RC3H2: variants seen among roughly 807,000 people sequenced by gnomAD.
RC3H2 encodes the protein ring finger and CCCH-type domains 2, also known as roquin-2.
In RC3H2, 31 loss-of-function variants were observed where a neutral mutation model predicts 133.3. That is an observed-to-expected ratio of 0.23 (90% CI 0.17 to 0.31). The LOEUF (loss-of-function observed/expected upper bound fraction) is 0.31, where lower values mean the gene tolerates loss of function less well. Among genes scored for constraint, RC3H2 ranks in the 10% least tolerant of loss-of-function variants. The pLI, the probability that RC3H2 is intolerant of heterozygous loss-of-function variation, is 1.00. For missense variants in RC3H2, 1,175 were observed against 1,437.2 expected, an observed-to-expected ratio of 0.82 and a Z score of 2.95; for synonymous variants, 517 against 502.2, an observed-to-expected ratio of 1.03 and a Z score of -0.40.
chr9:122,867,566 A>C (rs1241398568), intron 9 of RC3H2, among the ~76,000 whole-genome samples: 1 of 109,160 alleles, frequency 9.2e-6, no homozygotes, highest in Admixed American at 8.4e-5. Flanking sequence ...CTGGCTGCCC[A>C]GTCTGGAAAG....
In RC3H2 at chr9:122,855,394, G is replaced by C; in HGVS notation, c.2605C>G (p.Leu869Val). The change falls in exon 15 of 21, where the codon CTG (leucine) becomes GTG (valine). Residue 869 changes from leucine to valine, a missense_variant. Transcript: ENST00000357244. ...CTTCTCTTAACATCACCACTGTCCA[G>C]GTCCTATGTAAACCAAAGAAAATCA... The part of the protein sequence containing the change: ...IANSNAVLMD[L>V]DSGDVKRRVH... The C allele has an allele frequency of 6.2e-7, 1 of 1,612,386 alleles. No homozygotes were observed. Among genetic ancestry groups the C allele is most frequent in the Non-Finnish European group, 8.5e-7 (1 of 1,179,526 alleles).
chr9:122,874,519 T>A (rs1453867384), intron 9 of RC3H2: 1 of 144,266 alleles, frequency 6.9e-6, no homozygotes, highest in Non-Finnish European at 1.5e-5. Context: ...TTATTATTTT[T>A]ATTTATTTAT....
chr9:122,849,839 G>A lies in RC3H2; in HGVS notation c.3381-17C>T. 1.3e-6 allele frequency: 2 copies of A among 1,539,316 alleles called. No homozygotes were observed. The highest frequency in any genetic ancestry group is 8.7e-7 in the Non-Finnish European group (1 of 1,147,158). ...TGCTCCTCCCTGAGAAAAAAGAAAT[G>A]ACATTAAAAACAAATTAGCTTTAAG... On this transcript the variant is annotated splice_polypyrimidine_tract_variant and intron_variant, in intron 20 of 20. Transcript: ENST00000357244.
chr9:122,896,120 TAA>T (rs10561653), intron 2 of RC3H2, among the ~76,000 whole-genome samples: 106,370 of 144,562 alleles, frequency 0.74, 40,708 homozygotes, highest in South Asian at 0.87. Context: ...GCTGATGAGT[TAA>T]AAAAAAAAAA....
Position 122,897,438 on chromosome 9 carries a change from A to G in RC3H2, c.72T>C (p.Asn24=). The change falls in exon 2 of 21, where the codon AAT becomes AAC. Residue 24 remains asparagine (N), a synonymous_variant. Coordinates refer to ENST00000357244, the MANE Select transcript of RC3H2 (RefSeq NM_001100588.3). ...AACCTAAACTGATGGGTTTGTGCAC[A>G]TTCTCATCAAATTCATTATAGCAGA... ...CPICYNEFDE[N]VHKPISLGCS... 1 of 1,614,242 alleles carries G rather than the reference A, an allele frequency of 6.2e-7. No individual in the cohort carries two copies. Among genetic ancestry groups the G allele is most frequent in the South Asian group, 1.1e-5 (1 of 91,088 alleles).
Position 122,858,816 on chromosome 9 carries a change from A to G in RC3H2, c.2136T>C (p.Ile712=), listed in dbSNP as rs1369464504. The change falls in exon 12 of 21, where the codon ATT becomes ATC. Residue 712 remains isoleucine, a synonymous_variant. Transcript: ENST00000357244. The part of the protein sequence containing the change: ...RPPMYQRDDI[I]RSNSLPPMDV... Reference sequence around the variant, plus strand: ...CCATTGGAGGTAAAGAATTGCTTCTAATAATGTCATCTCGTTGGTACATAG... The same window carrying G: ...CCATTGGAGGTAAAGAATTGCTTCTGATAATGTCATCTCGTTGGTACATAG... 1 of 1,614,304 alleles carries G rather than the reference A, an allele frequency of 6.2e-7. No individual in the cohort carries two copies.
At chr9:122,880,408 G>A (rs2251495) in intron 6 of RC3H2, 186 bp downstream of exon 6, 537,898 of 675,220 alleles carry the variant, frequency 0.8, 223,144 homozygotes, top group South Asian at 0.89. Context: ...TCATGTATTT[G>A]TTTCCCTGTT....
intron 4 of RC3H2, among the ~76,000 whole-genome samples, chr9:122,886,506 C>T (rs148492795): frequency 1.7e-4 from 26 of 152,302 alleles, no homozygotes; most frequent in African/African-American, 5.3e-4. Flanking sequence ...CACCATTTTA[C>T]GTGCCCACAT....
chr9:122,868,177 C>A (rs891357202), intron 9 of RC3H2, among the ~76,000 whole-genome samples: 112 of 151,756 alleles, frequency 7.4e-4, no homozygotes, highest in Non-Finnish European at 1.4e-3. Flanking sequence ...GGCGCCTCTG[C>A]CCGGCCGCCC....
At chr9:122,897,024 T>TA (rs139505008) in intron 2 of RC3H2, among the ~76,000 whole-genome samples, 3,548 of 37,012 alleles carry the variant, frequency 0.096, 578 homozygotes, top group African/African-American at 0.2. Flanking sequence ...AGACTCTGTC[T>TA]AAAAAAAAAA....
At chr9:122,852,569 C>T (rs1830085728) in intron 18 of RC3H2, among the ~76,000 whole-genome samples, 1 of 150,840 alleles carries the variant, frequency 6.6e-6, no homozygotes, top group African/African-American at 2.4e-5. Flanking sequence ...GCCGCCCCGT[C>T]CGGGAGGGAG....
rs533145433 is a variant in RC3H2, at chr9:122,877,603, T to C, written c.1213-20A>G. On this transcript the variant is annotated intron_variant, in intron 8 of 20. Coordinates refer to ENST00000357244, the MANE Select transcript of RC3H2 (RefSeq NM_001100588.3). ...CTGAGGCTACAAAAATGGGAACACA[T>C]TCAATGAGTGGCAAGGTGAAGATTC... 5.7e-6 allele frequency: 9 copies of C among 1,573,556 alleles called. No individual in the cohort carries two copies. In the Admixed American group the frequency reaches 8.4e-5, roughly 15 times the overall value.
Position 122,880,737 on chromosome 9 carries a change from A to T in RC3H2, c.817T>A (p.Tyr273Asn). ...TCATGTTCTCTGCGTAATGCTTCAT[A>T]ACTCCGAAATTCCTCCTTCAGCTGC... ...LMQLKEEFRS[Y>N]EALRREHDAQ... is the part of the protein sequence containing the mutation. The change falls in exon 6 of 21, where the codon TAT (tyrosine) becomes AAT (asparagine). Residue 273 changes from tyrosine to asparagine, a missense_variant. Physicochemically the swap from Tyr to Asn is moderately radical, Grantham distance 143 (BLOSUM62 -2). Coordinates refer to ENST00000357244, the MANE Select transcript of RC3H2 (RefSeq NM_001100588.3). 6 of 1,614,154 alleles carry T rather than the reference A, an allele frequency of 3.7e-6. No homozygotes were observed. The highest frequency in any genetic ancestry group is 5.1e-6 in the Non-Finnish European group (6 of 1,179,990).
At chr9:122,850,567 C>A (rs1829984265) in intron 20 of RC3H2, among the ~76,000 whole-genome samples, 1 of 151,942 alleles carries the variant, frequency 6.6e-6, no homozygotes, top group African/African-American at 2.4e-5. Context: ...CTCAGCCTCC[C>A]AGGCAGCTGA....
intron 7 of RC3H2, 54 bp downstream of exon 7, chr9:122,879,939 T>C (rs1831538348): frequency 1.2e-6 from 2 of 1,611,956 alleles, no homozygotes; most frequent in Non-Finnish European, 1.7e-6. Flanking sequence ...TCTCTTGTGT[T>C]ATTCACCTCA....
chr9:122,901,542 T>A (rs1470268420), intron 1 of RC3H2, among the ~76,000 whole-genome samples: 7 of 152,158 alleles, frequency 4.6e-5, no homozygotes, highest in African/African-American at 1.7e-4. Flanking sequence ...ACTATGTGGT[T>A]GAACTGTTTT....
intron 12 of RC3H2, 51 bp from the exon 13 acceptor site, chr9:122,858,144 A>T (rs1353071052): frequency 6.6e-7 from 1 of 1,526,046 alleles, no homozygotes; most frequent in Non-Finnish European, 9.0e-7. Context: ...GTGGTGAATA[A>T]ATTTAACTGT....
chr9:122,852,620 G>C (rs1021717860), intron 18 of RC3H2, among the ~76,000 whole-genome samples: 3 of 151,178 alleles, frequency 2.0e-5, no homozygotes, highest in Non-Finnish European at 4.4e-5. Flanking sequence ...CGCCCTGACC[G>C]GGAGGGAGGT....
chr9:122,901,230 T>C (rs1484602736), intron 1 of RC3H2, among the ~76,000 whole-genome samples: 1 of 152,242 alleles, frequency 6.6e-6, no homozygotes, highest in Non-Finnish European at 1.5e-5. Flanking sequence ...ATTGTTTTCA[T>C]TCTTGTTAAC....
Sources: allele counts gnomAD v4.1 joint callset (sites outside exome capture counted in the v4.1 genomes callset), GRCh38; gene constraint gnomAD v4.1.1; transcripts MANE v1.5; gene names NCBI Gene and HGNC (gene_info 2026-07-23, HGNC 2026-07-21).